AKR1C2: variants seen among roughly 807,000 people sequenced by gnomAD.
AKR1C2 encodes the protein aldo-keto reductase family 1 member C2.
In AKR1C2, 27 loss-of-function variants were observed where a neutral mutation model predicts 39.8. That is an observed-to-expected ratio of 0.68 (90% confidence interval 0.50 to 0.93). The LOEUF (loss-of-function observed/expected upper bound fraction) is 0.93. Ranked by LOEUF, AKR1C2 falls within the 40% of genes least tolerant of loss-of-function variation. AKR1C2 has a pLI of 0.00. For missense variants in AKR1C2, 263 were observed against 365.1 expected (o/e 0.72, Z 2.28); for synonymous variants, 114 against 137.9 (o/e 0.83, Z 1.22).
At chr10:4,998,602 G>C in intron 5 of AKR1C2, 23 bp downstream of exon 5, 1 of 1,613,458 alleles carries the variant, frequency 6.2e-7, no homozygotes, top group Non-Finnish European at 8.5e-7. Flanking sequence ...GAACAGAAAG[G>C]AGAGGAGGCT....
chr10:5,000,674 G>C lies in AKR1C2; in HGVS notation c.253-8C>G. The C allele has an allele frequency of 6.2e-7, 1 of 1,606,844 alleles. No individual in the cohort carries two copies. Among genetic ancestry groups the C allele is most frequent in the Non-Finnish European group, 8.5e-7 (1 of 1,177,668 alleles). On this transcript the variant is annotated splice_region_variant and splice_polypyrimidine_tract_variant and intron_variant, in intron 2 of 8. Transcript: ENST00000380753. ...ATGGGAATTGCTCCAAAGCTGCAGA[G>C]GTTAGAGAAACGAAGTTGTGTAATG...
At position 4,993,637 on chromosome 10, in the gene AKR1C2, T is replaced by C. The variant is rs564125956; in HGVS notation, c.846+1682A>G. On this transcript the variant is annotated intron_variant, in intron 7 of 8. Transcript: ENST00000380753. The stretch of plus-strand genomic sequence containing the variant: ...ATGAAAAATTAGTCTACATGAAGGA[T>C]AGAAACTTTTGTTTGTGAAAACATA... Among the ~76,000 whole-genome samples, 11 of 152,072 alleles carry C rather than the reference T, an allele frequency of 7.2e-5. No individual in the cohort carries two copies. The East Asian group carries it at 1.3e-3, about 19-fold the overall frequency.
intron 4 of AKR1C2, among the ~76,000 whole-genome samples, 196 bp downstream of exon 4, chr10:4,999,004 C>T (rs1837163194): frequency 6.6e-6 from 1 of 152,110 alleles, no homozygotes; most frequent in Admixed American, 6.5e-5. Flanking sequence ...TCCTCCTTAC[C>T]CCCAATTCTT....
rs145653974 is a variant in AKR1C2, at chr10:5,011,745, T to C, written c.-88+6155A>G. On this transcript the variant is annotated intron_variant, in intron 1 of 6. Coordinates refer to the AKR1C2 transcript ENST00000604507. ...CTGAATATGTAAACCTGTGTGGGGA[T>C]TGAAAGAATGGAAAGAGGAAACACG... 2.8e-3 allele frequency among the ~76,000 whole-genome samples: 421 copies of C among 152,294 alleles called. 2 individuals are homozygous for C. The highest frequency in any genetic ancestry group is 9.7e-3 in the African/African-American group (402 of 41,540).
chr10:5,004,225 C>G (rs1451130742), upstream of AKR1C2, among the ~76,000 whole-genome samples: 5 of 152,224 alleles, frequency 3.3e-5, no homozygotes, highest in African/African-American at 9.6e-5. Context: ...CCTTCTGCAT[C>G]TTGCAGCATT....
Position 5,000,547 on chromosome 10 carries a change from T to C in AKR1C2, c.369+3A>G, listed in dbSNP as rs782665520. The C allele has an allele frequency of 1.3e-5, 21 of 1,613,674 alleles. No homozygotes were observed. The highest frequency in any genetic ancestry group is 1.8e-5 in the Non-Finnish European group (21 of 1,179,726). On this transcript the variant is annotated splice_donor_region_variant and intron_variant, in intron 3 of 8. Coordinates refer to ENST00000380753, the MANE Select transcript of AKR1C2 (RefSeq NM_001393392.1). ...AATTAATTTGATCACACAAGCTGCC[T>C]ACCTTTACAGACACTGGAAAATGAA...
At chr10:5,001,440 C>G (rs1837269097) in intron 2 of AKR1C2, 74 bp downstream of exon 2, 1 of 1,539,880 alleles carries the variant, frequency 6.5e-7, no homozygotes, top group African/African-American at 1.4e-5. Flanking sequence ...AACTATGGAT[C>G]CAGTCATAGA....
intron 2 of AKR1C2, 39 bp from the exon 3 acceptor site, chr10:5,000,705 T>G: frequency 6.3e-7 from 1 of 1,585,440 alleles, no homozygotes; most frequent in East Asian, 2.2e-5. Flanking sequence ...TAATGAAAAC[T>G]TGAGCCAGTT....
At position 4,988,051 on chromosome 10, in the gene AKR1C2, G is replaced by C. The variant is rs1836720045; in HGVS notation, c.*1945C>G. ...GAGTTTTATAAAAATGGATGGTGAA[G>C]AACTGGAAAAAGCCCACAGCAGCCG... is the stretch of plus-strand genomic sequence containing the variant. On this transcript the variant is annotated 3_prime_UTR_variant, in exon 9 of 9. Transcript: ENST00000380753. 1 of 151,676 alleles carries C rather than the reference G, an allele frequency of 6.6e-6. No individual in the cohort carries two copies. Among genetic ancestry groups the C allele is most frequent in the African/African-American group, 2.4e-5 (1 of 41,250 alleles). 9.4% of individuals were successfully genotyped at this position (151,676 alleles called of 1,614,324 possible). A position where few individuals can be genotyped will look rare whatever the true frequency, so the allele number is the denominator to read the frequency against.
intron 1 of AKR1C2, among the ~76,000 whole-genome samples, chr10:5,012,425 A>G (rs1837542225): frequency 6.6e-6 from 1 of 151,512 alleles, no homozygotes; most frequent in South Asian, 2.1e-4. Context: ...AATCATCTGG[A>G]TGGGCAATGT....
intron 3 of AKR1C2, chr10:5,000,002 A>G (rs1424117459): frequency 9.8e-7 from 1 of 1,024,498 alleles, no homozygotes; most frequent in African/African-American, 1.7e-5. Flanking sequence ...GTACCTTAAG[A>G]CAAAAGTTAT....
chr10:5,007,482 A>G (rs546419458), upstream of AKR1C2: 9 of 152,030 alleles, frequency 5.9e-5, no homozygotes, highest in African/African-American at 1.9e-4. Flanking sequence ...TAACTATAGG[A>G]TGCAGTATGT....
chr10:4,995,785 A>G lies in AKR1C2; in HGVS notation c.651T>C (p.Ser217=), dbSNP rs200650974. The G allele has an allele frequency of 3.1e-6, 5 of 1,611,930 alleles. No individual in the cohort carries two copies. The highest frequency in any genetic ancestry group is 2.5e-6 in the Non-Finnish European group (3 of 1,179,488). Residue 217 remains serine, a synonymous_variant, in exon 6 of 9, where the codon AGT becomes AGC. Coordinates refer to ENST00000380753, the MANE Select transcript of AKR1C2 (RefSeq NM_001393392.1). ...GTTCTTCTCGATGGGATCCCAGAGC[A>G]CTATAGGCAACCAGAACAATGTCTT... ...KSKDIVLVAY[S]ALGSHREEPW...
chr10:5,001,241 A>T (rs571294674), intron 2 of AKR1C2, among the ~76,000 whole-genome samples: 1 of 152,208 alleles, frequency 6.6e-6, no homozygotes, highest in Non-Finnish European at 1.5e-5. Flanking sequence ...GATTAAGATT[A>T]TCTCTCATTC....
At chr10:5,003,975 A>T, upstream of AKR1C2, 1 of 612,532 alleles carries the variant, frequency 1.6e-6, no homozygotes, top group South Asian at 2.2e-5. Flanking sequence ...GTCTTACACA[A>T]GCTGTGATAA....
intron 1 of AKR1C2, 121 bp from the exon 2 acceptor site, chr10:5,001,802 G>C (rs1837283810): frequency 1.5e-6 from 2 of 1,321,984 alleles, no homozygotes; most frequent in South Asian, 2.6e-5. Flanking sequence ...TCTGTATGTA[G>C]AATCATAAGC....
In AKR1C2 at chr10:4,999,181, C is replaced by T; in HGVS notation, c.447+19G>A. The T allele has an allele frequency of 1.9e-6, 3 of 1,596,006 alleles. No individual in the cohort carries two copies. The highest frequency in any genetic ancestry group is 1.7e-6 in the Non-Finnish European group (2 of 1,167,698). On this transcript the variant is annotated intron_variant, in intron 4 of 8. Transcript: ENST00000380753. ...CTACCTCATCTTTCTTATCCGTTCT[C>T]TCACCTCCAAACACTCACCTCCCAT... is the stretch of plus-strand genomic sequence containing the variant.
intron 5 of AKR1C2, 151 bp from the exon 6 acceptor site, chr10:4,996,016 T>G (rs1171640520): frequency 9.2e-6 from 8 of 868,812 alleles, no homozygotes; most frequent in African/African-American, 8.4e-5. Flanking sequence ...AAAAATAAAT[T>G]TTATGCCCCT....
rs1416141014 is a variant in AKR1C2 at position 4,989,715 on chromosome 10, A to G, written c.*281T>C. The G allele has an allele frequency of 1.8e-5, 9 of 501,710 alleles. No homozygotes were observed. The highest frequency in any genetic ancestry group is 1.6e-4 in the African/African-American group (8 of 49,166). The allele number at this position is 501,710 out of a possible 1,614,324, so 31.1% of individuals were successfully genotyped here. A position where few individuals can be genotyped will look rare whatever the true frequency, so the allele number is the denominator to read the frequency against. ...GCCCTAAACGTATAGGCAAATCACA[A>G]TTTGGGGGCACTAGTGTGTCAGAAG... On this transcript the variant is annotated 3_prime_UTR_variant, in exon 9 of 9. Transcript: ENST00000380753.
Sources: gnomAD v4.1 joint callset for allele counts (sites outside exome capture counted in the v4.1 genomes callset) on GRCh38, gnomAD v4.1.1 for gene constraint, MANE v1.5 for transcripts, NCBI Gene and HGNC (gene_info 2026-07-23, HGNC 2026-07-21) for gene names.